The following UNC13C variants were observed in gnomAD, a reference collection of about 807,000 sequenced individuals.
UNC13C encodes the protein protein unc-13 homolog C.
UNC13C carries 174 observed loss-of-function variants against 245.4 expected under a neutral mutation model. The observed-to-expected ratio is 0.71, with a 90% confidence interval of 0.63 to 0.80. The LOEUF (loss-of-function observed/expected upper bound fraction) is 0.80. UNC13C is among the 30% of genes least tolerant of loss of function. UNC13C has a pLI of 0.00. For synonymous variants in UNC13C, 992 were observed against 895.1 expected, an observed-to-expected ratio of 1.11 and a Z score of -1.93; for missense variants, 2,829 against 2,602.9, an observed-to-expected ratio of 1.09 and a Z score of -1.89.
chr15:54,227,874 G>T (rs1358169517), intron 4 of UNC13C, among the ~76,000 whole-genome samples: 2 of 152,226 alleles, frequency 1.3e-5, no homozygotes, highest in Non-Finnish European at 2.9e-5. Flanking sequence ...GTTCACTTAA[G>T]GCCCTGACGC....
At chr15:54,321,387 G>T (rs1050704517) in intron 13 of UNC13C, 2 of 491,890 alleles carry the variant, frequency 4.1e-6, no homozygotes, top group South Asian at 1.5e-5. Context: ...GTGGGTACCT[G>T]GTCTTTGAGA....
chr15:54,568,880 T>C (rs1897628117), intron 30 of UNC13C, among the ~76,000 whole-genome samples: 1 of 152,118 alleles, frequency 6.6e-6, no homozygotes, highest in South Asian at 2.1e-4. Context: ...GCTAGGTAGG[T>C]AGTCTGCCTA....
chr15:54,448,121 AC>A (rs1890935774), intron 19 of UNC13C, among the ~76,000 whole-genome samples: 2 of 152,108 alleles, frequency 1.3e-5, no homozygotes. Context: ...TAGTTTGATT[AC>A]ACTATGGTCT....
chr15:54,078,435 G>A (rs553913506), intron 2 of UNC13C, among the ~76,000 whole-genome samples: 1 of 152,252 alleles, frequency 6.6e-6, no homozygotes, highest in Non-Finnish European at 1.5e-5. Flanking sequence ...TAGAAGATGA[G>A]CTAATTTACG....
At chr15:53,975,670 T>G (rs924828727), upstream of UNC13C, among the ~76,000 whole-genome samples, 1 of 152,204 alleles carries the variant, frequency 6.6e-6, no homozygotes, top group African/African-American at 2.4e-5. Flanking sequence ...TCACTACTAC[T>G]GTACTAAAAA....
chr15:54,019,713 G>T (rs1285004644), intron 2 of UNC13C, among the ~76,000 whole-genome samples: 5 of 152,170 alleles, frequency 3.3e-5, no homozygotes, highest in Admixed American at 6.5e-5. Flanking sequence ...TTATAAAACT[G>T]TCAGAATATG....
At chr15:54,349,446 A>G (rs1250896470) in intron 17 of UNC13C, among the ~76,000 whole-genome samples, 19 of 152,014 alleles carry the variant, frequency 1.2e-4, no homozygotes, top group Admixed American at 1.2e-3. Context: ...TGTATTAGTA[A>G]AACTAGTGAA....
At chr15:53,949,292 C>T in the UNC13C span, among the ~76,000 whole-genome samples, 1 of 152,046 alleles carries the variant, frequency 6.6e-6, no homozygotes, top group Non-Finnish European at 1.5e-5. Flanking sequence ...GTGCTAAATC[C>T]CGGACTGCTT....
chr15:54,591,219 A>G (rs1423162929), intron 30 of UNC13C, among the ~76,000 whole-genome samples: 1 of 152,132 alleles, frequency 6.6e-6, no homozygotes, highest in Non-Finnish European at 1.5e-5. Context: ...GGATTTTAGC[A>G]TGTATATTCA....
chr15:53,874,520 G>A, the UNC13C span, among the ~76,000 whole-genome samples: 1 of 152,140 alleles, frequency 6.6e-6, no homozygotes, highest in Non-Finnish European at 1.5e-5. Flanking sequence ...GGGCTTTAGA[G>A]ATTATCCAAC....
intron 1 of UNC13C, among the ~76,000 whole-genome samples, chr15:54,003,690 T>G (rs1020778660): frequency 3.9e-5 from 6 of 152,154 alleles, no homozygotes; most frequent in Non-Finnish European, 5.9e-5. Flanking sequence ...TTATACTCAT[T>G]TAGTATTTTA....
intron 4 of UNC13C, among the ~76,000 whole-genome samples, chr15:54,151,931 T>G (rs1164182726): frequency 6.6e-6 from 1 of 152,148 alleles, no homozygotes; most frequent in East Asian, 1.9e-4. Context: ...AATAGGAAAT[T>G]TACCTTTCCC....
At chr15:53,871,196 C>G in the UNC13C span, among the ~76,000 whole-genome samples, 1 of 152,112 alleles carries the variant, frequency 6.6e-6, no homozygotes, top group African/African-American at 2.4e-5. Context: ...TCTATTTTTA[C>G]CCCTCTTCCT....
At chr15:54,419,211 T>C (rs1165357459) in intron 19 of UNC13C, among the ~76,000 whole-genome samples, 1 of 152,170 alleles carries the variant, frequency 6.6e-6, no homozygotes. Flanking sequence ...CTGAGTAATA[T>C]ACCATGCTCT....
the UNC13C span, chr15:53,968,139 T>C: frequency 6.6e-6 from 1 of 152,116 alleles, no homozygotes; most frequent in South Asian, 2.1e-4. Context: ...AAGAGAAAAA[T>C]TGTCCTTGTA....
intron 4 of UNC13C, among the ~76,000 whole-genome samples, chr15:54,165,608 T>A (rs908584289): frequency 6.6e-6 from 1 of 152,144 alleles, no homozygotes; most frequent in African/African-American, 2.4e-5. Context: ...TAGTAAAACA[T>A]TCAAATAGAA....
At chr15:54,564,353 T>C (rs1897417713) in intron 29 of UNC13C, among the ~76,000 whole-genome samples, 1 of 152,056 alleles carries the variant, frequency 6.6e-6, no homozygotes, top group African/African-American at 2.4e-5. Context: ...TATCGTAATC[T>C]AAAACTTTAG....
Position 54,507,157 on chromosome 15 carries a change from C to A in UNC13C, c.5342C>A (p.Ser1781Ter). ...KVLLQYAAIV[S>*]SDFSSHCDKE... ...CTGCTCCAGTATGCTGCAATTGTAT[C>A]AAGTGATTTCAGTTCACATTGTGAT... Residue 1781 changes from serine (S) to a stop codon, truncating the protein, a stop_gained, in exon 23 of 33, where the codon TCA becomes TAA. Transcript: ENST00000260323. LOFTEE classifies it high-confidence loss of function. 1 of 1,598,958 alleles carries A rather than the reference C, an allele frequency of 6.3e-7. No individual in the cohort carries two copies. The highest frequency in any genetic ancestry group is 8.5e-7 in the Non-Finnish European group (1 of 1,171,704).
chr15:53,916,129 AGACAGAGTTC>A, the UNC13C span, among the ~76,000 whole-genome samples: 1 of 152,218 alleles, frequency 6.6e-6, no homozygotes, highest in Non-Finnish European at 1.5e-5. Flanking sequence ...CTGGGAGACT[AGACAGAGTTC>A]GAAGAATGGT....
Sources: allele counts gnomAD v4.1 joint callset (sites outside exome capture counted in the v4.1 genomes callset), GRCh38; gene constraint gnomAD v4.1.1; transcripts MANE v1.5; gene names NCBI Gene and HGNC (gene_info 2026-07-23, HGNC 2026-07-21).